Variants in BRD1 observed in about 807,000 individuals in gnomAD.
BRD1 encodes the protein bromodomain-containing protein 1.
A neutral mutation model predicts 107.7 loss-of-function variants in BRD1; 24 were observed. The observed-to-expected ratio is 0.22, with a 90% confidence interval of 0.16 to 0.31. The LOEUF is 0.31. BRD1 is among the 10% of genes least tolerant of loss of function. BRD1 has a pLI of 1.00. For synonymous variants in BRD1, 744 were observed against 686.1 expected, an observed-to-expected ratio of 1.08 and a Z score of -1.32; for missense variants, 1,279 against 1,638.6, an observed-to-expected ratio of 0.78 and a Z score of 3.79.
intron 8 of BRD1, among the ~76,000 whole-genome samples, chr22:49,785,107 T>C (rs2059296775): frequency 6.6e-6 from 1 of 152,188 alleles, no homozygotes; most frequent in Non-Finnish European, 1.5e-5. Flanking sequence ...TCCACTCCAA[T>C]GTAAGACAGT....
rs143878703 is a variant in BRD1, at chr22:49,794,041, G to A, written c.2352C>T (p.Gly784=). Residue 784 remains glycine (G), a synonymous_variant, in exon 7 of 13, where the codon GGC becomes GGT. Coordinates refer to ENST00000404760, the MANE Select transcript of BRD1 (RefSeq NM_001304808.3). ...EDGAALGPEA[G]EEGDKSPPKL... Reference sequence around the variant, plus strand: ...GCCCTCACCGTGGCTTACCTTCCTCGCCCGCCTCCGGCCCCAGCGCAGCTC... The same window carrying A: ...GCCCTCACCGTGGCTTACCTTCCTCACCCGCCTCCGGCCCCAGCGCAGCTC... 281 of 1,610,950 alleles carry A rather than the reference G, an allele frequency of 1.7e-4. No individual in the cohort carries two copies. The highest frequency in any genetic ancestry group is 2.1e-4 in the Non-Finnish European group (249 of 1,178,368).
At chr22:49,813,653 G>A (rs555823953) in intron 2 of BRD1, among the ~76,000 whole-genome samples, 75 of 151,750 alleles carry the variant, frequency 4.9e-4, no homozygotes, top group African/African-American at 1.7e-3. Context: ...CCAACACGGC[G>A]AAACCCCATC....
Position 49,800,302 on chromosome 22 carries a change from G to A in BRD1, c.1525-1183C>T, listed in dbSNP as rs540201829. Among the ~76,000 whole-genome samples the A allele has an allele frequency of 1.3e-4, 20 of 152,320 alleles. 1 individual carries two copies. Among genetic ancestry groups the A allele is most frequent in the South Asian group, 1.2e-3 (6 of 4,828 alleles). On this transcript the variant is annotated intron_variant, in intron 3 of 12. Coordinates refer to ENST00000404760, the MANE Select transcript of BRD1 (RefSeq NM_001304808.3). ...AGGCCTCTCCATGGCGAGGCAGAGCGTTGCTGCGCTGATGTCCCCTGAAGT... is the reference window on the plus strand; with the variant it reads ...AGGCCTCTCCATGGCGAGGCAGAGCATTGCTGCGCTGATGTCCCCTGAAGT...
At position 49,790,304 on chromosome 22, in the gene BRD1, G is replaced by A. The variant is rs186368634; in HGVS notation, c.2360-2417C>T. Among the ~76,000 whole-genome samples, 251 of 152,296 alleles carry A rather than the reference G, an allele frequency of 1.6e-3. 1 individual carries two copies. Among genetic ancestry groups the A allele is most frequent in the African/African-American group, 5.8e-3 (241 of 41,562 alleles). On this transcript the variant is annotated intron_variant, in intron 7 of 12. Transcript: ENST00000404760. ...AACAGGCAAGCCCAACCCGTCCCTC[G>A]AGTGGAAATGTGACTGGAAGTTGAC...
chr22:49,797,598 T>C (rs1300949848), intron 6 of BRD1, among the ~76,000 whole-genome samples: 1 of 152,208 alleles, frequency 6.6e-6, no homozygotes, highest in Non-Finnish European at 1.5e-5. Flanking sequence ...TTCCATACAC[T>C]GAGTAAAATA....
chr22:49,790,855 C>T (rs1034147403), intron 7 of BRD1, among the ~76,000 whole-genome samples: 2 of 152,248 alleles, frequency 1.3e-5, no homozygotes, highest in African/African-American at 2.4e-5. Context: ...GCTCAGCGCC[C>T]GTGCACGGCA....
At chr22:49,801,928 G>C (rs1268841914) in intron 3 of BRD1, among the ~76,000 whole-genome samples, 1 of 152,200 alleles carries the variant, frequency 6.6e-6, no homozygotes, top group African/African-American at 2.4e-5. Context: ...TGGCCCTCGT[G>C]TCCCAGCTTA....
At chr22:49,785,618 T>C (rs896449607) in intron 8 of BRD1, among the ~76,000 whole-genome samples, 1 of 152,374 alleles carries the variant, frequency 6.6e-6, no homozygotes, top group East Asian at 1.9e-4. Context: ...TCTATTCTTA[T>C]TGGTATCTTG....
rs183536222 is a variant in BRD1, at chr22:49,818,100, T to A, written c.1367+4851A>T. The stretch of plus-strand genomic sequence containing the variant: ...CCTAAGGCTGACCAAGACCAGTTCA[T>A]CCTTTTAAACTCAAAATAAAATGAC... On this transcript the variant is annotated intron_variant, in intron 2 of 12. Coordinates refer to ENST00000404760, the MANE Select transcript of BRD1 (RefSeq NM_001304808.3). 97 of 567,228 alleles carry A rather than the reference T, an allele frequency of 1.7e-4. No individual in the cohort carries two copies. In the African/African-American group the frequency reaches 1.9e-3, roughly 11 times the overall value. The allele number at this position is 567,228 out of a possible 1,614,324, so 35.1% of individuals were successfully genotyped here.
intron 3 of BRD1, 58 bp from the exon 4 acceptor site, chr22:49,799,177 TCA>T (rs933808902): frequency 6.3e-7 from 1 of 1,576,052 alleles, no homozygotes; most frequent in African/African-American, 1.3e-5. Context: ...GCAAAAGGCC[TCA>T]GATACCATGC....
At chr22:49,810,191 A>G (rs2059824106) in intron 2 of BRD1, among the ~76,000 whole-genome samples, 1 of 152,196 alleles carries the variant, frequency 6.6e-6, no homozygotes, top group Admixed American at 6.5e-5. Flanking sequence ...ATGCTTCTAG[A>G]CTGCTATCAG....
rs543543619 is a variant in BRD1 at position 49,824,904 on chromosome 22, G to C, written c.-14-573C>G. On this transcript the variant is annotated intron_variant, in intron 1 of 12. Transcript: ENST00000404760. This position sits in a 1 kb window ranked among gnomAD's most constrained non-coding sequence, Gnocchi z 5.9. ...CCTTGCAGCATTCCTGCTGGGGCCAGGGGTAGGAGACAGATCACAGCCTGT... is the reference window on the plus strand; with the variant it reads ...CCTTGCAGCATTCCTGCTGGGGCCACGGGTAGGAGACAGATCACAGCCTGT... 2.8e-5 allele frequency: 23 copies of C among 813,906 alleles called. No individual in the cohort carries two copies. In the African/African-American group the frequency reaches 4.1e-4, roughly 14 times the overall value. The allele number at this position is 813,906 out of a possible 1,614,324, so 50.4% of individuals were successfully genotyped here. A position where few individuals can be genotyped will look rare whatever the true frequency, so the allele number is the denominator to read the frequency against.
At chr22:49,775,866 C>G (rs2059083595) in intron 11 of BRD1, 121 bp from the exon 12 acceptor site, 4 of 1,285,328 alleles carry the variant, frequency 3.1e-6, no homozygotes, top group Non-Finnish European at 4.2e-6. Context: ...AGACCACCCC[C>G]ACGCCCCCCT....
rs535198150 is a variant in BRD1, at chr22:49,804,092, G to A, written c.1524+112C>T. On this transcript the variant is annotated intron_variant, in intron 3 of 12. Transcript: ENST00000404760. ...CTGGACGAGACGGAGGCTTCCCAAC[G>A]GGGAGCCTGAGCCCAGGGGGCAGCA... 2.9e-4 allele frequency: 268 copies of A among 928,266 alleles called. 5 individuals carry two copies. The East Asian group carries it at 7.5e-3, about 26-fold the overall frequency. 57.5% of individuals were successfully genotyped at this position (928,266 alleles called of 1,614,324 possible).
intron 7 of BRD1, among the ~76,000 whole-genome samples, chr22:49,789,493 C>A (rs971268158): frequency 6.6e-6 from 1 of 150,442 alleles, no homozygotes; most frequent in Non-Finnish European, 1.5e-5. Context: ...CCTAGCCTCC[C>A]CCCCCCGCCC....
At chr22:49,804,619 T>TG (rs995239808) in intron 2 of BRD1, among the ~76,000 whole-genome samples, 1 of 152,116 alleles carries the variant, frequency 6.6e-6, no homozygotes, top group African/African-American at 2.4e-5. Context: ...GAGGCCGAGG[T>TG]GGGGGGATCC....
chr22:49,805,263 G>A (rs555820785), intron 2 of BRD1, among the ~76,000 whole-genome samples: 8 of 152,230 alleles, frequency 5.3e-5, no homozygotes, highest in East Asian at 3.9e-4. Context: ...GGAACCCAAC[G>A]CCGCCTCTTC....
rs1174240820 is a variant in BRD1, at chr22:49,777,113, C to CCGT, written c.3039_3041dup (p.Arg1014dup). 1.2e-6 allele frequency: 2 copies of CCGT among 1,613,204 alleles called. No homozygotes were observed. Among genetic ancestry groups the CCGT allele is most frequent in the African/African-American group, 2.7e-5 (2 of 74,958 alleles). ...GCTCACTGCGGTCCTCCAGCGTGTG[C>CCGT]CGTCGCACAAGAGCCGGTTTGCCCC... On this transcript the variant is annotated inframe_insertion, in exon 10 of 13. Coordinates refer to ENST00000404760, the MANE Select transcript of BRD1 (RefSeq NM_001304808.3).
At chr22:49,778,724 C>T (rs990764989) in intron 8 of BRD1, among the ~76,000 whole-genome samples, 16 of 152,196 alleles carry the variant, frequency 1.1e-4, no homozygotes, top group African/African-American at 3.9e-4. Context: ...TGCAGTGGCA[C>T]GATCTTGGCT....
Sources: allele counts gnomAD v4.1 joint callset (sites outside exome capture counted in the v4.1 genomes callset), GRCh38; gene constraint gnomAD v4.1.1; non-coding constraint Gnocchi (gnomAD v3.1); transcripts MANE v1.5; gene names NCBI Gene and HGNC (gene_info 2026-07-23, HGNC 2026-07-21).